The following DAB2IP variants were observed in gnomAD, a reference collection of about 807,000 sequenced individuals.
The protein encoded by DAB2IP is disabled homolog 2-interacting protein.
Under a neutral mutation model 107.2 loss-of-function variants are expected in DAB2IP, and 28 were observed. The ratio of observed to expected loss-of-function variants is 0.26; its 90% CI spans 0.19 to 0.36. DAB2IP has a LOEUF of 0.36. DAB2IP is among the 10% of genes least tolerant of loss of function. The pLI, the probability that DAB2IP is intolerant of heterozygous loss-of-function variation, is 1.00. For synonymous variants in DAB2IP, 755 were observed against 706.4 expected (o/e 1.07, Z -1.09); for missense variants, 1,400 against 1,644.7 (o/e 0.85, Z 2.57).
chr9:121,741,178 T>TAGGATGAGGCAAGCCTTG (rs1170079666), intron 3 of DAB2IP, among the ~76,000 whole-genome samples: 1 of 152,176 alleles, frequency 6.6e-6, no homozygotes, highest in Non-Finnish European at 1.5e-5. Context: ...TCCAGGAAGA[T>TAGGATGAGGCAAGCCTTG]AGGATGAGGC....
intron 3 of DAB2IP, among the ~76,000 whole-genome samples, chr9:121,756,010 C>T (rs1191454288): frequency 6.6e-6 from 1 of 152,114 alleles, no homozygotes; most frequent in African/African-American, 2.4e-5. Context: ...GTAGGTTTTT[C>T]ACCAACCCCA....
intron 2 of DAB2IP, among the ~76,000 whole-genome samples, chr9:121,689,636 G>C (rs778174344): frequency 1.3e-5 from 2 of 152,094 alleles, no homozygotes; most frequent in African/African-American, 2.4e-5. Context: ...TGCTGCCTTG[G>C]GGCCCCCCGG....
chr9:121,699,445 G>T lies in DAB2IP; in HGVS notation c.349G>T (p.Ala117Ser). 1 of 1,435,314 alleles carries T rather than the reference G, an allele frequency of 7.0e-7. No homozygotes were observed. Among genetic ancestry groups the T allele is most frequent in the Admixed American group, 2.2e-5 (1 of 44,782 alleles). 88.9% of individuals were successfully genotyped at this position (1,435,314 alleles called of 1,614,324 possible). Residue 117 changes from alanine (A) to serine (S), a missense_variant, in exon 3 of 16, where the codon GCG becomes TCG. Physicochemically the swap from Ala to Ser is moderately conservative, Grantham distance 99. Around this residue, in one of 3 missense-constraint regions of DAB2IP, gnomAD observed 283 missense variants for 237.0 expected, o/e 1.19. Coordinates refer to ENST00000408936, the Ensembl canonical transcript of DAB2IP. This position sits in a 1 kb window ranked among gnomAD's most constrained non-coding sequence, Gnocchi z 6.2. ...GTTCCGGAGCGCCGCCGCCGCCGCCGCGGACAATGAGAGGTGAGCCCGCCG... is the reference window on the plus strand; with the variant it reads ...GTTCCGGAGCGCCGCCGCCGCCGCCTCGGACAATGAGAGGTGAGCCCGCCG...
intron 1 of DAB2IP, among the ~76,000 whole-genome samples, chr9:121,616,873 C>T (rs1283122793): frequency 6.6e-6 from 1 of 152,162 alleles, no homozygotes; most frequent in Admixed American, 6.5e-5. Context: ...CTGGGCAGAC[C>T]GAGGTACTGG....
In DAB2IP at chr9:121,773,047, C is replaced by T. The variant is rs766855032; in HGVS notation, c.2519C>T (p.Pro840Leu). 5.5e-5 allele frequency: 89 copies of T among 1,612,356 alleles called. No individual in the cohort carries two copies. The highest frequency in any genetic ancestry group is 4.2e-4 in the Admixed American group (25 of 59,998). The change falls in exon 12 of 16, where the codon CCG becomes CTG. Residue 840 changes from proline (P) to leucine (L), a missense_variant. By Grantham distance (98) the Pro-to-Leu change is moderately conservative. Around this residue, in one of 3 missense-constraint regions of DAB2IP, gnomAD observed 600 missense variants for 659.1 expected, o/e 0.91. Transcript: ENST00000408936. The stretch of plus-strand genomic sequence containing the variant: ...GTGTACCAGATGGCGGCTGGCCTGC[C>T]GCTGTCACCCCGTGGCCTTGGCGAC...
intron 1 of DAB2IP, among the ~76,000 whole-genome samples, chr9:121,628,886 C>G (rs1831767705): frequency 6.6e-6 from 1 of 152,190 alleles, no homozygotes; most frequent in Non-Finnish European, 1.5e-5. Context: ...CCTCAGTTAC[C>G]TGGTCTGTAA....
At chr9:121,741,588 G>C (rs538574104) in intron 3 of DAB2IP, among the ~76,000 whole-genome samples, 1 of 152,210 alleles carries the variant, frequency 6.6e-6, no homozygotes, top group East Asian at 1.9e-4. Context: ...CTCACCTTCT[G>C]TCCTTGTCTC....
In DAB2IP at chr9:121,684,092, T is replaced by C. The variant is rs1828735662; in HGVS notation, c.228+5311T>C. On this transcript the variant is annotated intron_variant, in intron 2 of 15. Coordinates refer to ENST00000408936, the Ensembl canonical transcript of DAB2IP. This position sits in a 1 kb window ranked among gnomAD's most constrained non-coding sequence, Gnocchi z 4.0. ...AGCTGCTCACCCCTTTTCTCACTCC[T>C]GTAGCCTCCCTGCACCCTCCCCATG... Among the ~76,000 whole-genome samples the C allele has an allele frequency of 6.6e-6, 1 of 152,144 alleles. No individual in the cohort carries two copies. Among genetic ancestry groups the C allele is most frequent in the African/African-American group, 2.4e-5 (1 of 41,414 alleles).
At chr9:121,732,357 A>G (rs995931002) in intron 3 of DAB2IP, among the ~76,000 whole-genome samples, 2 of 152,206 alleles carry the variant, frequency 1.3e-5, no homozygotes, top group Non-Finnish European at 2.9e-5. Context: ...ACATGTGTCA[A>G]CATCACTGTG....
At chr9:121,596,998 T>C (rs1830545109) in intron 1 of DAB2IP, among the ~76,000 whole-genome samples, 1 of 152,248 alleles carries the variant, frequency 6.6e-6, no homozygotes, top group South Asian at 2.1e-4. Flanking sequence ...CATCTTTGCA[T>C]ATGTTTATTG....
At chr9:121,611,371 C>T (rs547623292) in intron 1 of DAB2IP, among the ~76,000 whole-genome samples, 2 of 152,230 alleles carry the variant, frequency 1.3e-5, no homozygotes, top group South Asian at 2.1e-4. Context: ...CCAAGTAACT[C>T]GTTCCCACCC....
intron 1 of DAB2IP, among the ~76,000 whole-genome samples, chr9:121,645,004 G>A (rs922353648): frequency 6.6e-6 from 1 of 152,244 alleles, no homozygotes; most frequent in Non-Finnish European, 1.5e-5. Flanking sequence ...CTTGAGAAGG[G>A]AGGGGGCTCC....
chr9:121,659,620 C>T (rs1176291055), intron 1 of DAB2IP, among the ~76,000 whole-genome samples: 2 of 151,928 alleles, frequency 1.3e-5, no homozygotes, highest in African/African-American at 2.4e-5. Flanking sequence ...GGTGAAACCC[C>T]GTCTCTACTA....
chr9:121,645,265 G>T (rs542842076), intron 1 of DAB2IP, among the ~76,000 whole-genome samples: 1 of 152,336 alleles, frequency 6.6e-6, no homozygotes, highest in East Asian at 1.9e-4. Flanking sequence ...TGGCCATCTG[G>T]GCTGAAATGC....
chr9:121,769,936 C>T (rs1834579367), intron 10 of DAB2IP, among the ~76,000 whole-genome samples: 1 of 152,260 alleles, frequency 6.6e-6, no homozygotes, highest in Non-Finnish European at 1.5e-5. Flanking sequence ...ACTTTGTTTT[C>T]TCACAGAGAC....
chr9:121,719,575 G>A (rs1297791328), intron 3 of DAB2IP, among the ~76,000 whole-genome samples: 1 of 152,172 alleles, frequency 6.6e-6, no homozygotes, highest in African/African-American at 2.4e-5. Flanking sequence ...CCAGCATTAA[G>A]GAGAGGCAGA....
intron 1 of DAB2IP, among the ~76,000 whole-genome samples, chr9:121,614,332 C>CT (rs1831193057): frequency 2.5e-5 from 2 of 79,758 alleles, no homozygotes; most frequent in African/African-American, 3.6e-5. Context: ...GCACTTCTTT[C>CT]TTTTCTTTTT....
At chr9:121,685,253 C>T (rs938070992) in intron 2 of DAB2IP, among the ~76,000 whole-genome samples, 6 of 152,330 alleles carry the variant, frequency 3.9e-5, no homozygotes, top group African/African-American at 7.2e-5. Flanking sequence ...CTGCCTTCCG[C>T]GGGGGGCATC....
chr9:121,575,661 G>T (rs995728445), intron 1 of DAB2IP, among the ~76,000 whole-genome samples: 1 of 152,088 alleles, frequency 6.6e-6, no homozygotes. Flanking sequence ...GGCCCAGTGT[G>T]TCCCCAGCTT....
Sources: gnomAD v4.1 joint callset for allele counts (sites outside exome capture counted in the v4.1 genomes callset) on GRCh38, gnomAD v4.1.1 for gene constraint, gnomAD v4.1.1 regional missense constraint, Gnocchi (gnomAD v3.1) non-coding constraint, MANE v1.5 for transcripts, NCBI Gene and HGNC (gene_info 2026-07-23, HGNC 2026-07-21) for gene names.